OSBPL1A: variants seen among roughly 807,000 people sequenced by gnomAD.
OSBPL1A encodes oxysterol binding protein like 1A.
In OSBPL1A, 80 loss-of-function variants were observed where a neutral mutation model predicts 137.1. The observed-to-expected ratio is 0.58, with a 90% confidence interval of 0.49 to 0.70. The LOEUF (loss-of-function observed/expected upper bound fraction) is 0.70, where lower values mean the gene tolerates loss of function less well. Among genes scored for constraint, OSBPL1A ranks in the 30% least tolerant of loss-of-function variants. The pLI, the probability that OSBPL1A is intolerant of heterozygous loss-of-function variation, is 0.00. For missense variants in OSBPL1A, 970 were observed against 1,129.4 expected (o/e 0.86, Z 2.02); for synonymous variants, 365 against 389.7 (o/e 0.94, Z 0.75).
chr18:24,342,958 CTT>C (rs1201799101), intron 4 of OSBPL1A, among the ~76,000 whole-genome samples: 4 of 151,606 alleles, frequency 2.6e-5, no homozygotes, highest in African/African-American at 7.3e-5. Context: ...TATAAAATAT[CTT>C]AACATTTTCT....
At chr18:24,170,779 T>TG (rs1177830136) in intron 23 of OSBPL1A, among the ~76,000 whole-genome samples, 1 of 152,118 alleles carries the variant, frequency 6.6e-6, no homozygotes, top group Non-Finnish European at 1.5e-5. Context: ...CCAGAGTAAC[T>TG]GGGTACACAG....
At chr18:24,396,502 C>T (rs1447219894) in intron 1 of OSBPL1A, among the ~76,000 whole-genome samples, 1 of 152,164 alleles carries the variant, frequency 6.6e-6, no homozygotes, top group Non-Finnish European at 1.5e-5. Context: ...AAGAGTTACA[C>T]TGCCTGGGAG....
chr18:24,345,902 A>G (rs1459578709), intron 4 of OSBPL1A, among the ~76,000 whole-genome samples: 2 of 152,084 alleles, frequency 1.3e-5, no homozygotes, highest in Non-Finnish European at 1.5e-5. Context: ...TCTCTTGTTC[A>G]TTGCTATACT....
rs1437424803 is a variant in OSBPL1A, at chr18:24,336,112, T to TAA, written c.395-1784_395-1783dup. Among the ~76,000 whole-genome samples the TAA allele has an allele frequency of 2.3e-4, 35 of 152,330 alleles. 2 individuals are homozygous for TAA. The South Asian group carries it at 6.2e-3, about 27-fold the overall frequency. The stretch of plus-strand genomic sequence containing the variant: ...CCACTGCATGTATCACCCTGACCTG[T>TAA]AAGTTATCCCCTCTGTCATTCTTGA... On this transcript the variant is annotated intron_variant, in intron 5 of 27. Transcript: ENST00000319481.
At chr18:24,183,241 T>C (rs1445176005) in intron 18 of OSBPL1A, among the ~76,000 whole-genome samples, 2 of 152,036 alleles carry the variant, frequency 1.3e-5, no homozygotes, top group Non-Finnish European at 2.9e-5. Flanking sequence ...GGGAAATACA[T>C]AACTGTCTTA....
At chr18:24,175,022 T>A (rs1400102159) in intron 21 of OSBPL1A, among the ~76,000 whole-genome samples, 1 of 149,078 alleles carries the variant, frequency 6.7e-6, no homozygotes, top group Non-Finnish European at 1.5e-5. Context: ...CAAGCAATCC[T>A]CCTGCCTCAG....
chr18:24,260,625 G>C (rs372862086), intron 15 of OSBPL1A, among the ~76,000 whole-genome samples: 6 of 152,208 alleles, frequency 3.9e-5, no homozygotes, highest in African/African-American at 1.4e-4. Context: ...GCAGATTCGT[G>C]GTTTTCAGGG....
chr18:24,314,257 A>G lies in OSBPL1A; in HGVS notation c.961T>C (p.Ser321Pro). ...TGAATCCATAAGATTACCTCTCTTG[A>G]CTGCTGAAGGCTATTCTTAGGAACC... ...FRVPKNSLQQ[S>P]REDWLEAIEE... Residue 321 changes from serine to proline, a missense_variant, in exon 12 of 28, where the codon TCA becomes CCA. Ser to Pro is a moderately conservative substitution (Grantham distance 74, BLOSUM62 -1). Around this residue, in one of 2 missense-constraint regions of OSBPL1A, gnomAD observed 647 missense variants for 672.6 expected, o/e 0.96. Coordinates refer to ENST00000319481, the MANE Select transcript of OSBPL1A (RefSeq NM_080597.4). The G allele has an allele frequency of 6.3e-7, 1 of 1,594,634 alleles. No individual in the cohort carries two copies. Among genetic ancestry groups the G allele is most frequent in the East Asian group, 2.2e-5 (1 of 44,662 alleles).
At chr18:24,206,757 A>G (rs1402244003) in intron 17 of OSBPL1A, among the ~76,000 whole-genome samples, 50 of 152,164 alleles carry the variant, frequency 3.3e-4, no homozygotes, top group Non-Finnish European at 8.8e-5. Flanking sequence ...TTTGAAAGCA[A>G]CTCAAAGGTT....
chr18:24,322,167 T>C (rs1231123712), intron 7 of OSBPL1A, among the ~76,000 whole-genome samples: 8 of 149,112 alleles, frequency 5.4e-5, no homozygotes, highest in Non-Finnish European at 8.9e-5. Context: ...TGGAGTGCAG[T>C]GGCACCATCT....
At chr18:24,278,388 A>G (rs963629211) in intron 15 of OSBPL1A, among the ~76,000 whole-genome samples, 1 of 152,210 alleles carries the variant, frequency 6.6e-6, no homozygotes, top group African/African-American at 2.4e-5. Flanking sequence ...ATTAGTTAAG[A>G]TCTTACAATA....
At chr18:24,216,148 C>G (rs148239377) in intron 17 of OSBPL1A, among the ~76,000 whole-genome samples, 90 of 152,342 alleles carry the variant, frequency 5.9e-4, no homozygotes, top group African/African-American at 1.9e-3. Context: ...CTCTTGTTTA[C>G]ATTTGACAAT....
At chr18:24,359,194 G>A (rs2091583705) in intron 4 of OSBPL1A, among the ~76,000 whole-genome samples, 1 of 152,064 alleles carries the variant, frequency 6.6e-6, no homozygotes, top group African/African-American at 2.4e-5. Flanking sequence ...CTCCAGCCTT[G>A]GCGACAGAGC....
chr18:24,326,433 C>T (rs2090981554), intron 7 of OSBPL1A, among the ~76,000 whole-genome samples: 1 of 152,222 alleles, frequency 6.6e-6, no homozygotes, highest in Non-Finnish European at 1.5e-5. Context: ...CAAGTGACCA[C>T]ACTAGGCACA....
At chr18:24,357,405 A>G (rs1246197827) in intron 4 of OSBPL1A, 3 of 152,206 alleles carry the variant, frequency 2.0e-5, no homozygotes, top group African/African-American at 4.8e-5. Flanking sequence ...GGGCAGGGGA[A>G]CAATTAGATA....
At chr18:24,189,549 CA>C (rs1393319992) in intron 18 of OSBPL1A, among the ~76,000 whole-genome samples, 1 of 152,192 alleles carries the variant, frequency 6.6e-6, no homozygotes, top group Non-Finnish European at 1.5e-5. Context: ...TCCTCTATGA[CA>C]CCTCTACCTC....
At chr18:24,288,707 G>T (rs754598000) in intron 14 of OSBPL1A, among the ~76,000 whole-genome samples, 1 of 151,684 alleles carries the variant, frequency 6.6e-6, no homozygotes, top group Non-Finnish European at 1.5e-5. Flanking sequence ...GGCGGAGGTT[G>T]CAGTGAGCCG....
At chr18:24,334,376 T>C (rs2091135020) in intron 5 of OSBPL1A, 46 bp from the exon 6 acceptor site, 2 of 1,454,600 alleles carry the variant, frequency 1.4e-6, no homozygotes, top group Admixed American at 2.2e-5. Context: ...CAGGATCCAA[T>C]TACAAATTCA....
chr18:24,366,826 G>GA, intron 4 of OSBPL1A, 66 bp downstream of exon 4: 2 of 1,492,356 alleles, frequency 1.3e-6, no homozygotes, highest in Non-Finnish European at 9.2e-7. Context: ...TTATAACAGA[G>GA]AAAACAATGG....
Sources: gnomAD v4.1 joint callset for allele counts (sites outside exome capture counted in the v4.1 genomes callset) on GRCh38, gnomAD v4.1.1 for gene constraint, gnomAD v4.1.1 regional missense constraint, MANE v1.5 for transcripts, NCBI Gene and HGNC (gene_info 2026-07-23, HGNC 2026-07-21) for gene names.